Variants in BOC observed in about 807,000 individuals in gnomAD.
BOC encodes the protein brother of CDO.
In BOC, 76 loss-of-function variants were observed where a neutral mutation model predicts 112.0. The observed-to-expected ratio is 0.68, with a 90% CI of 0.56 to 0.82. The LOEUF is 0.82. Among genes scored for constraint, BOC ranks in the 40% least tolerant of loss-of-function variants. The probability of loss-of-function intolerance (pLI) is 0.00; values close to 1 mark genes in which losing one functional copy is unlikely to be tolerated. For synonymous variants in BOC, 580 were observed against 599.8 expected, an observed-to-expected ratio of 0.97 and a Z score of 0.48; for missense variants, 1,309 against 1,511.7, an observed-to-expected ratio of 0.87 and a Z score of 2.22.
intron 2 of BOC, among the ~76,000 whole-genome samples, chr3:113,236,286 A>ATATATATATATATATATATACCCATGGG (rs1943499380): frequency 1.3e-4 from 2 of 15,138 alleles, no homozygotes; most frequent in African/African-American, 6.9e-4. Context: ...CCATGGGTAT[A>ATATATATATATATATATATACCCATGGG]TATATATATA....
At chr3:113,261,405 TA>T in intron 4 of BOC, among the ~76,000 whole-genome samples, 1 of 152,310 alleles carries the variant, frequency 6.6e-6, no homozygotes, top group South Asian at 2.1e-4. Context: ...TTCTTCAGTA[TA>T]TTTTTTTTCT....
At chr3:113,261,890 T>G (rs1946919270) in intron 4 of BOC, 2 of 152,122 alleles carry the variant, frequency 1.3e-5, no homozygotes, top group Non-Finnish European at 2.9e-5. Context: ...TGCTCAAATC[T>G]GGGTGTAAAT....
rs183611559 is a variant in BOC, at chr3:113,225,072, G to C, written c.-82+8798G>C. 3.4e-4 allele frequency among the ~76,000 whole-genome samples: 52 copies of C among 151,616 alleles called. 1 individual carries two copies. Among genetic ancestry groups the C allele is most frequent in the East Asian group, 3.1e-3 (16 of 5,146 alleles). On this transcript the variant is annotated intron_variant, in intron 2 of 19. Coordinates refer to ENST00000682979, the MANE Select transcript of BOC (RefSeq NM_001378074.1). ...AGCCTGGGCGACAGGGTGAGACTCC[G>C]TCTCAAAAACAAAAACAAAAACAAA...
intron 2 of BOC, among the ~76,000 whole-genome samples, chr3:113,224,418 ACACT>A (rs1440579938): frequency 6.6e-6 from 1 of 152,180 alleles, no homozygotes; most frequent in African/African-American, 2.4e-5. Context: ...AGGATTCAGA[ACACT>A]CACCAGCCAC....
intron 8 of BOC, 81 bp downstream of exon 8, chr3:113,273,422 CAGT>C: frequency 7.0e-7 from 1 of 1,433,648 alleles, no homozygotes; most frequent in Non-Finnish European, 9.3e-7. Flanking sequence ...CTTGGAACCC[CAGT>C]ATATAAGATA....
At chr3:113,254,127 G>A (rs1177248513) in intron 4 of BOC, among the ~76,000 whole-genome samples, 1 of 152,188 alleles carries the variant, frequency 6.6e-6, no homozygotes, top group African/African-American at 2.4e-5. Context: ...GGGATCTGTG[G>A]TTGGCAGAAA....
chr3:113,258,381 C>T (rs181816232), intron 4 of BOC, among the ~76,000 whole-genome samples: 92 of 152,250 alleles, frequency 6.0e-4, no homozygotes, highest in African/African-American at 1.9e-3. Flanking sequence ...TCCTGTTCCC[C>T]GCTCACCCCA....
intron 2 of BOC, among the ~76,000 whole-genome samples, chr3:113,218,817 G>T (rs1177065161): frequency 6.6e-6 from 1 of 152,194 alleles, no homozygotes; most frequent in Non-Finnish European, 1.5e-5. Flanking sequence ...GGGAAGTTAG[G>T]CCTGGCTTTG....
chr3:113,274,386 A>G lies in BOC; in HGVS notation c.1246A>G (p.Arg416Gly). 1 of 1,541,954 alleles carries G rather than the reference A, an allele frequency of 6.5e-7. No individual in the cohort carries two copies. The highest frequency in any genetic ancestry group is 8.8e-7 in the Non-Finnish European group (1 of 1,140,846). The change falls in exon 9 of 20, where the codon AGG becomes GGG. Residue 416 changes from arginine to glycine, a missense_variant. Transcript: ENST00000682979. This position sits in a 1 kb window ranked among gnomAD's most constrained non-coding sequence, Gnocchi z 4.8. Reference protein sequence around the residue: ...LRTSRPSITPRLWQDAELATG... With the variant: ...LRTSRPSITPGLWQDAELATG... ...TGTTGGTCCTCCAGGCATAACCCCA[A>G]GGCTATGGCAGGATGCTGAGCTGGC...
chr3:113,226,727 G>A (rs1236676885), intron 2 of BOC, among the ~76,000 whole-genome samples: 1 of 152,162 alleles, frequency 6.6e-6, no homozygotes, highest in Non-Finnish European at 1.5e-5. Flanking sequence ...TCTCCCTTGT[G>A]GAAATAATGC....
intron 2 of BOC, among the ~76,000 whole-genome samples, chr3:113,249,357 T>A (rs1258573593): frequency 6.6e-6 from 1 of 152,190 alleles, no homozygotes; most frequent in Admixed American, 6.5e-5. Flanking sequence ...ATCTCATCTG[T>A]TCTAGCATCT....
intron 1 of BOC, among the ~76,000 whole-genome samples, chr3:113,215,688 A>G (rs1939228504): frequency 6.6e-6 from 1 of 152,196 alleles, no homozygotes; most frequent in African/African-American, 2.4e-5. Flanking sequence ...AAAACAACCT[A>G]GGTTTAAAAC....
At position 113,279,307 on chromosome 3, in the gene BOC, G is replaced by A. The variant is rs1948965934; in HGVS notation, c.1875G>A (p.Val625=). 6 of 1,614,044 alleles carry A rather than the reference G, an allele frequency of 3.7e-6. No homozygotes were observed. The highest frequency in any genetic ancestry group is 1.6e-4 in the Middle Eastern group (1 of 6,084). Residue 625 remains valine, a synonymous_variant, in exon 12 of 20, where the codon GTG becomes GTA. Transcript: ENST00000682979. ...ISTASETSVY[V]TWIPRGNGGF... ...CGGCCTCCGAGACCTCAGTGTACGT[G>A]ACCTGGATTCCCCGTGGGAATGGTG...
intron 4 of BOC, among the ~76,000 whole-genome samples, chr3:113,262,919 A>C: frequency 6.6e-6 from 1 of 152,200 alleles, no homozygotes; most frequent in Non-Finnish European, 1.5e-5. Context: ...TCTACAGCCA[A>C]GTCTGTCTGA....
At chr3:113,263,992 G>A (rs1947178629) in intron 4 of BOC, among the ~76,000 whole-genome samples, 1 of 152,226 alleles carries the variant, frequency 6.6e-6, no homozygotes, top group East Asian at 1.9e-4. Context: ...TGTAGCCTCT[G>A]TGTTCAGACA....
intron 2 of BOC, among the ~76,000 whole-genome samples, chr3:113,226,143 G>A (rs1350645923): frequency 6.6e-6 from 1 of 152,132 alleles, no homozygotes; most frequent in African/African-American, 2.4e-5. Flanking sequence ...CTAATGTGGG[G>A]GGAATGGGGG....
Position 113,287,115 on chromosome 3 carries a change from G to T in BOC, c.*253G>T, listed in dbSNP as rs772261976. 2.0e-6 allele frequency: 1 copy of T among 502,496 alleles called. No homozygotes were observed. The highest frequency in any genetic ancestry group is 1.6e-5 in the South Asian group (1 of 63,898). The allele number at this position is 502,496 out of a possible 1,614,324, so 31.1% of individuals were successfully genotyped here. On this transcript the variant is annotated 3_prime_UTR_variant, in exon 20 of 20. Transcript: ENST00000682979. ...ACCCAGGAAAGCACCGCACAGGCTG[G>T]CGCGGGACAGACTCCTAACCTGGGG...
chr3:113,282,633 G>T (rs1188337720), intron 15 of BOC, among the ~76,000 whole-genome samples: 1 of 152,112 alleles, frequency 6.6e-6, no homozygotes, highest in African/African-American at 2.4e-5. Context: ...AGATTGGTTT[G>T]CGGCTCTTTA....
chr3:113,222,448 G>A (rs115669525), intron 2 of BOC, among the ~76,000 whole-genome samples: 201 of 152,276 alleles, frequency 1.3e-3, no homozygotes, highest in African/African-American at 4.3e-3. Flanking sequence ...GAGATGTCCC[G>A]AGAATGCTAC....
Sources: allele counts gnomAD v4.1 joint callset (sites outside exome capture counted in the v4.1 genomes callset), GRCh38; gene constraint gnomAD v4.1.1; non-coding constraint Gnocchi (gnomAD v3.1); transcripts MANE v1.5; gene names NCBI Gene and HGNC (gene_info 2026-07-23, HGNC 2026-07-21).